The following ZBBX variants were observed in gnomAD, a reference collection of about 807,000 sequenced individuals.
ZBBX encodes the protein zinc finger B-box domain containing, also known as zinc finger B-box domain-containing protein 1.
In ZBBX, 101 loss-of-function variants were observed where a neutral mutation model predicts 108.5. The ratio of observed to expected loss-of-function variants is 0.93; its 90% confidence interval spans 0.79 to 1.10. ZBBX has a LOEUF of 1.10. Among genes scored for constraint, ZBBX ranks in the 50% least tolerant of loss-of-function variants. ZBBX has a pLI of 0.00. For missense variants in ZBBX, 1,009 were observed against 941.4 expected, an observed-to-expected ratio of 1.07 and a Z score of -0.94; for synonymous variants, 356 against 323.4, an observed-to-expected ratio of 1.10 and a Z score of -1.08.
At chr3:167,228,990 A>G in the ZBBX span, among the ~76,000 whole-genome samples, 1 of 151,830 alleles carries the variant, frequency 6.6e-6, no homozygotes, top group Non-Finnish European at 1.5e-5. Context: ...CTGCTCCTAT[A>G]GAACAGAATG....
the ZBBX span, among the ~76,000 whole-genome samples, chr3:167,233,772 G>A: frequency 1.0e-4 from 15 of 150,212 alleles, no homozygotes; most frequent in Admixed American, 8.6e-4. Flanking sequence ...ATTGTGAAAA[G>A]GTTATCTTCT....
At chr3:167,218,178 T>C in the ZBBX span, among the ~76,000 whole-genome samples, 1 of 152,254 alleles carries the variant, frequency 6.6e-6, no homozygotes, top group Middle Eastern at 3.4e-3. Flanking sequence ...ACCTGGGTGA[T>C]GTAATAATAT....
Position 167,317,611 on chromosome 3 carries a change from A to G in ZBBX, c.984-14T>C. The G allele has an allele frequency of 6.4e-7, 1 of 1,574,558 alleles. No individual in the cohort carries two copies. ...TCTTGTGGAGTTCTACAAAATAAGA[A>G]AGAAGCAATTAAGAGACTGAAATAT... On this transcript the variant is annotated splice_polypyrimidine_tract_variant and intron_variant, in intron 12 of 21. Coordinates refer to ENST00000675490, the MANE Select transcript of ZBBX (RefSeq NM_001199201.2).
downstream of ZBBX, among the ~76,000 whole-genome samples, chr3:167,236,603 C>A (rs925146691): frequency 1.3e-5 from 2 of 151,592 alleles, no homozygotes; most frequent in Non-Finnish European, 3.0e-5. Flanking sequence ...TGAATATATA[C>A]CCTGTTTTTC....
At chr3:167,389,569 G>A (rs1020921963) in intron 1 of ZBBX, among the ~76,000 whole-genome samples, 1 of 152,090 alleles carries the variant, frequency 6.6e-6, no homozygotes, top group Non-Finnish European at 1.5e-5. Flanking sequence ...CTTCCACATT[G>A]GTTGAACTAA....
chr3:167,272,293 C>A (rs889254032), intron 20 of ZBBX, among the ~76,000 whole-genome samples: 1 of 152,166 alleles, frequency 6.6e-6, no homozygotes, highest in African/African-American at 2.4e-5. Context: ...CATATTTGGT[C>A]TCTCCTTTAC....
chr3:167,304,360 C>T (rs1733242507), intron 17 of ZBBX, among the ~76,000 whole-genome samples: 1 of 152,116 alleles, frequency 6.6e-6, no homozygotes, highest in South Asian at 2.1e-4. Context: ...TTCATGTTGC[C>T]CTGTGGAAAT....
At chr3:167,274,610 C>A (rs1417888641) in intron 20 of ZBBX, among the ~76,000 whole-genome samples, 2 of 152,172 alleles carry the variant, frequency 1.3e-5, no homozygotes, top group Non-Finnish European at 2.9e-5. Context: ...TCTTGTTTCT[C>A]CTTGCCAACA....
the ZBBX span, among the ~76,000 whole-genome samples, chr3:167,217,878 G>A: frequency 4.1e-5 from 6 of 147,138 alleles, no homozygotes; most frequent in South Asian, 4.4e-4. Flanking sequence ...ACCAAATGTC[G>A]CATGTTCTCA....
At chr3:167,342,883 G>T (rs953969665) in intron 9 of ZBBX, among the ~76,000 whole-genome samples, 1 of 151,138 alleles carries the variant, frequency 6.6e-6, no homozygotes, top group African/African-American at 2.4e-5. Flanking sequence ...ATGATATAAT[G>T]GGTATATGTA....
intron 9 of ZBBX, among the ~76,000 whole-genome samples, chr3:167,340,142 T>C (rs1045042262): frequency 2.6e-5 from 4 of 152,128 alleles, no homozygotes; most frequent in African/African-American, 9.7e-5. Flanking sequence ...ATTTACACAT[T>C]ACATGGAATA....
rs550710321 is a variant in ZBBX at position 167,359,451 on chromosome 3, G to A, written c.432+419C>T. 5.3e-5 allele frequency among the ~76,000 whole-genome samples: 8 copies of A among 152,154 alleles called. 1 individual carries two copies. The South Asian group carries it at 1.7e-3, about 32-fold the overall frequency. On this transcript the variant is annotated intron_variant, in intron 8 of 21. Coordinates refer to ENST00000675490, the MANE Select transcript of ZBBX (RefSeq NM_001199201.2). Reference sequence around the variant, plus strand: ...AATATTAAAAAAATAGACAATGGGAGGATAGAATATGATGACAGCAAGTAT... The same window carrying A: ...AATATTAAAAAAATAGACAATGGGAAGATAGAATATGATGACAGCAAGTAT...
At chr3:167,298,504 A>G (rs1312817393) in intron 17 of ZBBX, 46 bp from the exon 18 acceptor site, 1 of 1,345,490 alleles carries the variant, frequency 7.4e-7, no homozygotes. Context: ...ACTCATTAAC[A>G]CAAACAAGCA....
chr3:167,264,554 T>C (rs994325476), intron 20 of ZBBX, among the ~76,000 whole-genome samples: 30 of 152,336 alleles, frequency 2.0e-4, no homozygotes, highest in African/African-American at 7.0e-4. Flanking sequence ...TTTCTCTTTA[T>C]GTCTTACTGT....
At chr3:167,345,666 C>T (rs1412046760) in intron 9 of ZBBX, among the ~76,000 whole-genome samples, 3 of 151,654 alleles carry the variant, frequency 2.0e-5, no homozygotes, top group African/African-American at 7.3e-5. Flanking sequence ...CTGTGGTCTC[C>T]CATCAAGCTA....
chr3:167,271,712 T>C (rs2108474540), intron 20 of ZBBX, among the ~76,000 whole-genome samples: 1 of 152,230 alleles, frequency 6.6e-6, no homozygotes, highest in East Asian at 1.9e-4. Context: ...ACAAACAAGT[T>C]ATAAAGAAAT....
At chr3:167,230,513 G>T in the ZBBX span, among the ~76,000 whole-genome samples, 1 of 151,762 alleles carries the variant, frequency 6.6e-6, no homozygotes, top group Non-Finnish European at 1.5e-5. Context: ...TGGCCAGTAA[G>T]GACTTCTTTG....
At chr3:167,404,550 T>C (rs1331205829) in intron 1 of ZBBX, among the ~76,000 whole-genome samples, 1 of 152,060 alleles carries the variant, frequency 6.6e-6, no homozygotes, top group Non-Finnish European at 1.5e-5. Flanking sequence ...TCTCCCCCTT[T>C]CTCCACGCCC....
rs748664339 is a variant in ZBBX at position 167,275,430 on chromosome 3, C to T, written c.2254+6808G>A. 1.4e-3 allele frequency among the ~76,000 whole-genome samples: 211 copies of T among 152,224 alleles called. 3 individuals carry two copies. Among genetic ancestry groups the T allele is most frequent in the South Asian group, 1.5e-3 (7 of 4,824 alleles). On this transcript the variant is annotated intron_variant, in intron 20 of 21. Coordinates refer to ENST00000675490, the MANE Select transcript of ZBBX (RefSeq NM_001199201.2). ...CAGGTCAGTGGGTGCGCGCACTGTG[C>T]GCGAGCCGAAGCAGGGCGAGGCATT...
Sources: gnomAD v4.1 joint callset for allele counts (sites outside exome capture counted in the v4.1 genomes callset) on GRCh38, gnomAD v4.1.1 for gene constraint, MANE v1.5 for transcripts, NCBI Gene and HGNC (gene_info 2026-07-23, HGNC 2026-07-21) for gene names.